The following SENP6 variants were observed in gnomAD, a reference collection of about 807,000 sequenced individuals.
SENP6 encodes the protein SUMO specific peptidase 6.
Under a neutral mutation model 134.5 loss-of-function variants are expected in SENP6, and 41 were observed. The observed-to-expected ratio is 0.30, with a 90% CI of 0.24 to 0.40. The LOEUF is 0.40. Among genes scored for constraint, SENP6 ranks in the 10% least tolerant of loss-of-function variants. The pLI, the probability that SENP6 is intolerant of heterozygous loss-of-function variation, is 1.00. For synonymous variants in SENP6, 395 were observed against 429.8 expected, an observed-to-expected ratio of 0.92 and a Z score of 1.00; for missense variants, 1,248 against 1,312.5, an observed-to-expected ratio of 0.95 and a Z score of 0.76.
rs183001807 is a variant in SENP6, at chr6:75,633,792, G to A, written c.353+66G>A. The A allele has an allele frequency of 1.4e-4, 198 of 1,417,686 alleles. 2 individuals carry two copies. Among genetic ancestry groups the A allele is most frequent in the Non-Finnish European group, 3.7e-5 (39 of 1,054,600 alleles). The allele number at this position is 1,417,686 out of a possible 1,614,324, so 87.8% of individuals were successfully genotyped here. On this transcript the variant is annotated intron_variant, in intron 4 of 23. Coordinates refer to ENST00000447266, the MANE Select transcript of SENP6 (RefSeq NM_015571.4). ...GGAAGAGTTTGACACCAAAAACTTAGAAGCTAATAGGCCCAACCTGTACCT... is the reference window on the plus strand; with the variant it reads ...GGAAGAGTTTGACACCAAAAACTTAAAAGCTAATAGGCCCAACCTGTACCT...
rs868292502 is a variant in SENP6, at chr6:75,711,433, T to C, written c.2909+17T>C. ...CTGTAAACAGTAAGCATTAACTGTGTATCTTGAAAACTACATAATTTTTAA... is the reference window on the plus strand; with the variant it reads ...CTGTAAACAGTAAGCATTAACTGTGCATCTTGAAAACTACATAATTTTTAA... On this transcript the variant is annotated intron_variant, in intron 21 of 23. Coordinates refer to ENST00000447266, the MANE Select transcript of SENP6 (RefSeq NM_015571.4). 2.6e-6 allele frequency: 4 copies of C among 1,526,424 alleles called. No homozygotes were observed. The African/African-American group carries it at 5.5e-5, about 21-fold the overall frequency. The allele number at this position is 1,526,424 out of a possible 1,614,324, so 94.6% of individuals were successfully genotyped here. A position where few individuals can be genotyped will look rare whatever the true frequency, so the allele number is the denominator to read the frequency against.
intron 8 of SENP6, among the ~76,000 whole-genome samples, chr6:75,661,828 G>A (rs1193955780): frequency 2.0e-5 from 3 of 152,112 alleles, no homozygotes; most frequent in Admixed American, 6.6e-5. Context: ...GCAGGTGGTG[G>A]ATCACCTGAG....
At chr6:75,684,188 GCTCT>G (rs1172824472) in intron 16 of SENP6, among the ~76,000 whole-genome samples, 1 of 152,006 alleles carries the variant, frequency 6.6e-6, no homozygotes, top group African/African-American at 2.4e-5. Flanking sequence ...TCATGATTTG[GCTCT>G]CTGTTTATCT....
At chr6:75,684,498 A>G (rs1216183510) in intron 16 of SENP6, among the ~76,000 whole-genome samples, 1 of 152,158 alleles carries the variant, frequency 6.6e-6, no homozygotes, top group Non-Finnish European at 1.5e-5. Flanking sequence ...GAATGCTTCC[A>G]GTTTTTGCCC....
At chr6:75,608,335 C>T (rs895813252) in intron 1 of SENP6, among the ~76,000 whole-genome samples, 2 of 151,968 alleles carry the variant, frequency 1.3e-5, no homozygotes, top group Non-Finnish European at 2.9e-5. Context: ...ACAGCATGCA[C>T]CCAAAGTCCC....
Position 75,665,280 on chromosome 6 carries a change from C to T in SENP6, c.995-1432C>T, listed in dbSNP as rs542926447. 5.6e-4 allele frequency among the ~76,000 whole-genome samples: 81 copies of T among 144,760 alleles called. No individual in the cohort carries two copies. The South Asian group carries it at 0.013, about 24-fold the overall frequency. 95.0% of individuals were successfully genotyped at this position (144,760 alleles called of 152,430 possible). On this transcript the variant is annotated intron_variant, in intron 9 of 23. Transcript: ENST00000447266. Reference sequence around the variant, plus strand: ...CAGCCTGGGTGACAGAGTGAGACTCCGTCTCAAAAAAAAAAAAAAAAGTGA... The same window carrying T: ...CAGCCTGGGTGACAGAGTGAGACTCTGTCTCAAAAAAAAAAAAAAAAGTGA...
rs199660674 is a variant in SENP6 at position 75,666,835 on chromosome 6, C to T, written c.1118C>T (p.Ala373Val). Residue 373 changes from alanine to valine, a missense_variant, in exon 10 of 24, where the codon GCG becomes GTG. This residue lies in a region of SENP6 where 733 missense variants were observed against 725.4 expected (regional missense o/e 1.01). Coordinates refer to ENST00000447266, the MANE Select transcript of SENP6 (RefSeq NM_015571.4). ...CCATCCACTGGAAAAGTAGAAGCAGCGCTAAATGAAAATACTTGCAGAGCA... is the reference window on the plus strand; with the variant it reads ...CCATCCACTGGAAAAGTAGAAGCAGTGCTAAATGAAAATACTTGCAGAGCA... ...PAPSTGKVEA[A>V]LNENTCRAER... The T allele has an allele frequency of 8.9e-5, 144 of 1,613,508 alleles. 1 individual carries two copies. Among genetic ancestry groups the T allele is most frequent in the Non-Finnish European group, 2.3e-5 (27 of 1,179,618 alleles).
intron 6 of SENP6, among the ~76,000 whole-genome samples, chr6:75,641,601 T>C (rs1043033682): frequency 1.6e-4 from 25 of 152,212 alleles, no homozygotes; most frequent in African/African-American, 5.5e-4. Flanking sequence ...ATAAATGGCA[T>C]GGAAAAGTGT....
intron 4 of SENP6, 79 bp downstream of exon 4, chr6:75,633,805 C>A: frequency 1.7e-6 from 2 of 1,200,456 alleles, no homozygotes; most frequent in Non-Finnish European, 1.1e-6. Flanking sequence ...GCTAATAGGC[C>A]CAACCTGTAC....
rs754136700 is a variant in SENP6, at chr6:75,715,468, C to G, written c.3213C>G (p.Ile1071Met). The G allele has an allele frequency of 3.1e-6, 5 of 1,613,308 alleles. No individual in the cohort carries two copies. Among genetic ancestry groups the G allele is most frequent in the Non-Finnish European group, 4.2e-6 (5 of 1,179,554 alleles). ...PPRMRTKREEIRNIILKLQED... is the reference protein window; with the variant it reads ...PPRMRTKREEMRNIILKLQED... Reference sequence around the variant, plus strand: ...GAATGAGAACAAAAAGAGAAGAAATCCGAAACATAATTCTGAAGCTACAGG... The same window carrying G: ...GAATGAGAACAAAAAGAGAAGAAATGCGAAACATAATTCTGAAGCTACAGG... Residue 1071 changes from isoleucine (I) to methionine (M), a missense_variant, in exon 24 of 24, where the codon ATC (isoleucine) becomes ATG (methionine). Physicochemically the swap from Ile to Met is conservative, Grantham distance 10. Transcript: ENST00000447266.
chr6:75,642,168 A>C (rs936967970), intron 6 of SENP6, among the ~76,000 whole-genome samples: 1 of 152,250 alleles, frequency 6.6e-6, no homozygotes, highest in African/African-American at 2.4e-5. Context: ...CCAAGTATTT[A>C]TCGAACCTGC....
intron 17 of SENP6, 39 bp downstream of exon 17, chr6:75,695,962 A>G: frequency 1.3e-6 from 2 of 1,531,932 alleles, no homozygotes; most frequent in Non-Finnish European, 1.8e-6. Flanking sequence ...GATGTAAGTC[A>G]CTCACATTTA....
chr6:75,622,457 G>A (rs1390493874), intron 2 of SENP6, among the ~76,000 whole-genome samples: 2 of 152,154 alleles, frequency 1.3e-5, no homozygotes, highest in Non-Finnish European at 2.9e-5. Context: ...TACTCAGGAG[G>A]CTGAGGCAGG....
chr6:75,647,674 T>A, intron 6 of SENP6, 57 bp from the exon 7 acceptor site: 1 of 1,255,304 alleles, frequency 8.0e-7, no homozygotes, highest in African/African-American at 1.5e-5. Flanking sequence ...CATTAACTTT[T>A]TCATTTTGAA....
chr6:75,629,728 G>T (rs537547399), intron 3 of SENP6, among the ~76,000 whole-genome samples: 1 of 152,296 alleles, frequency 6.6e-6, no homozygotes, highest in East Asian at 1.9e-4. Flanking sequence ...TACAGGTAAT[G>T]TATAGGTCTG....
chr6:75,709,776 C>T, intron 20 of SENP6, 146 bp downstream of exon 20: 1 of 465,448 alleles, frequency 2.1e-6, no homozygotes, highest in Non-Finnish European at 3.8e-6. Context: ...TTGAGTTCAG[C>T]CTGGGCAACA....
intron 16 of SENP6, among the ~76,000 whole-genome samples, chr6:75,690,464 T>C (rs930041491): frequency 2.0e-5 from 3 of 152,216 alleles, no homozygotes; most frequent in Non-Finnish European, 2.9e-5. Context: ...ATTTCTGTTA[T>C]ATGAGGTATC....
Position 75,653,675 on chromosome 6 carries a change from CTA to C in SENP6, c.551-5586_551-5585del, listed in dbSNP as rs533403218. On this transcript the variant is annotated intron_variant, in intron 7 of 23. Transcript: ENST00000447266. ...GGAATGTTGTGTTTTTTTTTTTTAA[CTA>C]GTTTATTTTGCAAATATATTTGTAA... Among the ~76,000 whole-genome samples the C allele has an allele frequency of 4.0e-3, 573 of 142,098 alleles. 4 individuals carry two copies. The highest frequency in any genetic ancestry group is 0.014 in the African/African-American group (546 of 38,698). The allele number at this position is 142,098 out of a possible 152,430, so 93.2% of individuals were successfully genotyped here. A position where few individuals can be genotyped will look rare whatever the true frequency, so the allele number is the denominator to read the frequency against.
chr6:75,616,797 G>C (rs1240639272), intron 1 of SENP6, among the ~76,000 whole-genome samples: 3 of 150,338 alleles, frequency 2.0e-5, no homozygotes, highest in Non-Finnish European at 4.4e-5. Context: ...AGTTCCTTTA[G>C]TGCATAAATA....
Sources: allele counts gnomAD v4.1 joint callset (sites outside exome capture counted in the v4.1 genomes callset), GRCh38; gene constraint gnomAD v4.1.1; regional missense constraint gnomAD v4.1.1; transcripts MANE v1.5; gene names NCBI Gene and HGNC (gene_info 2026-07-23, HGNC 2026-07-21).